The following USP12 variants were observed in gnomAD, a reference collection of about 807,000 sequenced individuals.
USP12 encodes ubiquitin specific peptidase 12.
A neutral mutation model predicts 45.5 loss-of-function variants in USP12; 19 were observed. The ratio of observed to expected loss-of-function variants is 0.42; its 90% CI spans 0.29 to 0.61. The LOEUF (loss-of-function observed/expected upper bound fraction) is 0.61. Ranked by LOEUF, USP12 falls within the 20% of genes least tolerant of loss-of-function variation. The pLI is 0.22. For synonymous variants in USP12, 149 were observed against 148.8 expected, an observed-to-expected ratio of 1.00 and a Z score of -0.01; for missense variants, 242 against 447.7, an observed-to-expected ratio of 0.54 and a Z score of 4.15.
intron 1 of USP12, among the ~76,000 whole-genome samples, chr13:27,152,956 A>AAAG (rs1877648115): frequency 6.6e-6 from 1 of 150,660 alleles, no homozygotes; most frequent in African/African-American, 2.4e-5. Context: ...AAAAAAAAAA[A>AAAG]AAAGAAAGAA....
chr13:27,152,832 C>T (rs964286072), intron 1 of USP12, among the ~76,000 whole-genome samples: 4 of 151,250 alleles, frequency 2.6e-5, no homozygotes, highest in African/African-American at 9.7e-5. Flanking sequence ...GTCCCAGCTA[C>T]TCAGGAGGCT....
intron 4 of USP12, among the ~76,000 whole-genome samples, chr13:27,093,765 G>A (rs898418720): frequency 1.3e-5 from 2 of 152,196 alleles, no homozygotes. Context: ...AAACTTGGAA[G>A]CAACCAAGAC....
chr13:27,109,642 G>A (rs1342593363), intron 2 of USP12, among the ~76,000 whole-genome samples: 1 of 152,094 alleles, frequency 6.6e-6, no homozygotes, highest in Admixed American at 6.6e-5. Context: ...CTTTGGCTGG[G>A]CGCAGTGGCT....
chr13:27,152,149 CA>C (rs1482259111), intron 1 of USP12, among the ~76,000 whole-genome samples: 1 of 152,110 alleles, frequency 6.6e-6, no homozygotes, highest in African/African-American at 2.4e-5. Context: ...CATGAGAAAA[CA>C]AAACATATGT....
intron 7 of USP12, among the ~76,000 whole-genome samples, chr13:27,074,400 A>C (rs1366284610): frequency 6.6e-6 from 1 of 152,060 alleles, no homozygotes; most frequent in Non-Finnish European, 1.5e-5. Context: ...ACTCCATCTC[A>C]AAAAGAAAAA....
chr13:27,146,294 C>G (rs1394821320), intron 1 of USP12, among the ~76,000 whole-genome samples: 1 of 151,946 alleles, frequency 6.6e-6, no homozygotes, highest in African/African-American at 2.4e-5. Context: ...CCCAGCTACT[C>G]GGGAGACTGA....
chr13:27,118,419 A>G (rs1303631870), intron 1 of USP12, among the ~76,000 whole-genome samples: 1 of 152,134 alleles, frequency 6.6e-6, no homozygotes, highest in African/African-American at 2.4e-5. Context: ...TAGTTAATAG[A>G]TATCATTTAT....
intron 3 of USP12, among the ~76,000 whole-genome samples, chr13:27,101,896 G>A (rs1356445592): frequency 1.3e-5 from 2 of 152,094 alleles, no homozygotes; most frequent in Non-Finnish European, 2.9e-5. Flanking sequence ...ATCTCTCCAC[G>A]GCACATGAAA....
intron 1 of USP12, among the ~76,000 whole-genome samples, chr13:27,130,474 T>C (rs1352954440): frequency 7.5e-6 from 1 of 133,902 alleles, no homozygotes; most frequent in Non-Finnish European, 1.6e-5. Context: ...ACTGAGGAGG[T>C]GGAGAATCTG....
At chr13:27,139,902 G>A (rs1392595724) in intron 1 of USP12, among the ~76,000 whole-genome samples, 2 of 152,174 alleles carry the variant, frequency 1.3e-5, no homozygotes, top group Non-Finnish European at 2.9e-5. Flanking sequence ...TGCCTTTGTT[G>A]TTCACAGACA....
chr13:27,137,726 T>C (rs1170037), intron 1 of USP12, among the ~76,000 whole-genome samples: 5,691 of 152,282 alleles, frequency 0.037, 366 homozygotes, highest in African/African-American at 0.13. Flanking sequence ...CCCTGGAATA[T>C]GGGCAGGACC....
At chr13:27,108,008 T>C (rs1408177688) in intron 2 of USP12, among the ~76,000 whole-genome samples, 1 of 152,080 alleles carries the variant, frequency 6.6e-6, no homozygotes, top group East Asian at 1.9e-4. Context: ...AGAAATACCA[T>C]TTGACCCAGC....
chr13:27,116,542 T>C lies in USP12; in HGVS notation c.103A>G (p.Asn35Asp). 2 of 1,613,524 alleles carry C rather than the reference T, an allele frequency of 1.2e-6. No homozygotes were observed. Among genetic ancestry groups the C allele is most frequent in the Non-Finnish European group, 1.7e-6 (2 of 1,179,908 alleles). The change falls in exon 2 of 9, where the codon AAT becomes GAT. Residue 35 changes from asparagine to aspartate, a missense_variant. Around this residue, in one of 5 missense-constraint regions of USP12, gnomAD observed 77 missense variants for 153.7 expected, o/e 0.50. Transcript: ENST00000282344. ...TTGACTAATCCAAAATAGTGCTCAT[T>C]GACCGGAAACTGTTCTGGACCAATC... is the stretch of plus-strand genomic sequence containing the variant. The part of the protein sequence containing the change: ...KEIGPEQFPV[N>D]EHYFGLVNFG...
At chr13:27,107,860 A>G (rs918517599) in intron 2 of USP12, among the ~76,000 whole-genome samples, 3 of 152,150 alleles carry the variant, frequency 2.0e-5, no homozygotes, top group African/African-American at 7.2e-5. Flanking sequence ...TTGGAATGGC[A>G]ATCATTAAAA....
At chr13:27,125,523 A>G (rs185508631) in intron 1 of USP12, among the ~76,000 whole-genome samples, 18 of 152,302 alleles carry the variant, frequency 1.2e-4, no homozygotes, top group African/African-American at 4.3e-4. Context: ...TCCGGTCTAC[A>G]GCTCCCTGCG....
At chr13:27,146,810 A>C (rs967810051) in intron 1 of USP12, among the ~76,000 whole-genome samples, 1 of 152,232 alleles carries the variant, frequency 6.6e-6, no homozygotes, top group African/African-American at 2.4e-5. Context: ...TCATAATGTA[A>C]CCTTATTTAG....
At chr13:27,127,552 T>G (rs909389972) in intron 1 of USP12, among the ~76,000 whole-genome samples, 3 of 152,144 alleles carry the variant, frequency 2.0e-5, no homozygotes, top group African/African-American at 7.2e-5. Flanking sequence ...AGAGAAACAA[T>G]ATAATTTTGC....
intron 6 of USP12, among the ~76,000 whole-genome samples, chr13:27,083,748 AAAT>A (rs1873870471): frequency 6.6e-6 from 1 of 152,098 alleles, no homozygotes; most frequent in Non-Finnish European, 1.5e-5. Flanking sequence ...TATTTAGATA[AAAT>A]ATTATAAAGC....
intron 3 of USP12, among the ~76,000 whole-genome samples, chr13:27,103,607 A>AAAAAAAAAAATAAT (rs372985958): frequency 2.3e-5 from 3 of 128,516 alleles, no homozygotes; most frequent in East Asian, 4.5e-4. Context: ...TCAAAAAAAA[A>AAAAAAAAAAATAAT]AATAATAATA....
Sources: allele counts gnomAD v4.1 joint callset (sites outside exome capture counted in the v4.1 genomes callset), GRCh38; gene constraint gnomAD v4.1.1; regional missense constraint gnomAD v4.1.1; transcripts MANE v1.5; gene names NCBI Gene and HGNC (gene_info 2026-07-23, HGNC 2026-07-21).